HYDIN: variants seen among roughly 807,000 people sequenced by gnomAD.
HYDIN encodes HYDIN axonemal central pair apparatus protein, also known as axonemal central pair apparatus protein HYDIN.
HYDIN carries 132 observed loss-of-function variants against 403.9 expected under a neutral mutation model. The ratio of observed to expected loss-of-function variants is 0.33; its 90% CI spans 0.28 to 0.38. The LOEUF is 0.38. Ranked by LOEUF, HYDIN falls within the 10% of genes least tolerant of loss-of-function variation. The pLI is 1.00. For synonymous variants in HYDIN, 1,202 were observed against 1,891.7 expected (o/e 0.64, Z 9.46); for missense variants, 2,827 against 5,009.5 (o/e 0.56, Z 13.15).
In HYDIN at chr16:70,969,796, C is replaced by G. The variant is rs368114088; in HGVS notation, c.5619+724G>C. Among the ~76,000 whole-genome samples, 149 of 149,230 alleles carry G rather than the reference C, an allele frequency of 1.0e-3. No homozygotes were observed. In the East Asian group the frequency reaches 0.019, roughly 19 times the overall value. On this transcript the variant is annotated intron_variant, in intron 36 of 85. Transcript: ENST00000393567. The stretch of plus-strand genomic sequence containing the variant: ...GTTGAAACAATAATTATAGTGCTAG[C>G]TAATATAAGAAAAATATTTAAGACA...
chr16:71,204,303 A>G (rs1426367852), intron 1 of HYDIN, among the ~76,000 whole-genome samples: 1 of 152,214 alleles, frequency 6.6e-6, no homozygotes, highest in African/African-American at 2.4e-5. Context: ...TTCTTTTAAT[A>G]AAGCCAGCTA....
chr16:71,009,578 G>C (rs1415481886), intron 23 of HYDIN, among the ~76,000 whole-genome samples: 1 of 152,110 alleles, frequency 6.6e-6, no homozygotes, highest in Non-Finnish European at 1.5e-5. Flanking sequence ...TGAATCCCTG[G>C]AACCTGTGAA....
Position 71,184,934 on chromosome 16 carries a change from T to G in HYDIN, c.192A>C (p.Ala64=). ...GTGGTCGGCACATCAAACGTGTTTT[T>G]GCCAGTCTCTGCTCGGTGGTCAGGG... The part of the protein sequence containing the change: ...EMSLTTEQRL[A]KTRLMCRPQI... Residue 64 remains alanine, a synonymous_variant, in exon 3 of 86, where the codon GCA becomes GCC. Coordinates refer to ENST00000393567, the MANE Select transcript of HYDIN (RefSeq NM_001270974.2). 1 of 1,611,666 alleles carries G rather than the reference T, an allele frequency of 6.2e-7. No homozygotes were observed. Among genetic ancestry groups the G allele is most frequent in the Non-Finnish European group, 8.5e-7 (1 of 1,178,248 alleles).
chr16:70,946,736 T>C (rs1180543676), intron 41 of HYDIN, among the ~76,000 whole-genome samples: 3 of 152,146 alleles, frequency 2.0e-5, no homozygotes, highest in Admixed American at 6.5e-5. Flanking sequence ...AGGATTGTGA[T>C]AGAGAGATCT....
chr16:70,856,951 T>C (rs1000829945), intron 72 of HYDIN, among the ~76,000 whole-genome samples: 1 of 151,910 alleles, frequency 6.6e-6, no homozygotes, highest in African/African-American at 2.4e-5. Flanking sequence ...AAATCTAACA[T>C]ATTATTAAAA....
intron 77 of HYDIN, among the ~76,000 whole-genome samples, chr16:70,837,007 G>A (rs963931176): frequency 3.3e-5 from 5 of 152,366 alleles, no homozygotes; most frequent in Admixed American, 6.5e-5. Flanking sequence ...CCTGGTTGCC[G>A]AAATATGCTA....
intron 7 of HYDIN, 129 bp downstream of exon 7, chr16:71,152,530 A>C (rs2085578358): frequency 2.5e-6 from 2 of 803,162 alleles, no homozygotes; most frequent in Non-Finnish European, 3.9e-6. Flanking sequence ...CTCTCCCCCA[A>C]GTCCACAAAA....
intron 83 of HYDIN, among the ~76,000 whole-genome samples, chr16:70,825,322 A>G (rs1394402768): frequency 6.7e-6 from 1 of 150,062 alleles, no homozygotes; most frequent in Non-Finnish European, 1.5e-5. Context: ...AGATGTGAGT[A>G]TTTTTTTCAT....
chr16:71,042,672 C>A (rs2081324012), intron 18 of HYDIN, among the ~76,000 whole-genome samples: 1 of 152,170 alleles, frequency 6.6e-6, no homozygotes, highest in Non-Finnish European at 1.5e-5. Flanking sequence ...TTTCATGTAT[C>A]TATCATGGAC....
intron 10 of HYDIN, among the ~76,000 whole-genome samples, chr16:71,110,244 ATATAT>A (rs1304024359): frequency 2.7e-5 from 4 of 146,034 alleles, no homozygotes; most frequent in Middle Eastern, 3.6e-3. Context: ...GTGTGTATAT[ATATAT>A]TATATTATAT....
intron 1 of HYDIN, among the ~76,000 whole-genome samples, chr16:71,219,168 A>G (rs1042408693): frequency 6.6e-6 from 1 of 152,210 alleles, no homozygotes; most frequent in African/African-American, 2.4e-5. Context: ...AGAATTAGGC[A>G]AAGTTGTTTA....
intron 6 of HYDIN, among the ~76,000 whole-genome samples, chr16:71,154,338 C>T (rs1262739767): frequency 7.0e-6 from 1 of 143,338 alleles, no homozygotes; most frequent in African/African-American, 2.6e-5. Flanking sequence ...TTGATACAGG[C>T]ATGCACTGTG....
intron 23 of HYDIN, among the ~76,000 whole-genome samples, chr16:70,994,032 C>T (rs2079445126): frequency 1.3e-5 from 2 of 151,726 alleles, no homozygotes; most frequent in African/African-American, 4.8e-5. Context: ...GAAAAATCAA[C>T]ACAATGGAAA....
Position 70,802,720 on chromosome 16 carries a change from T to C in HYDIN, c.*4860A>G, listed in dbSNP as rs1340387593. The C allele has an allele frequency of 1.3e-5, 2 of 152,210 alleles. No homozygotes were observed. The highest frequency in any genetic ancestry group is 4.8e-5 in the African/African-American group (2 of 41,436). 9.4% of individuals were successfully genotyped at this position (152,210 alleles called of 1,614,324 possible). ...TTTGCTCTCCTAGTTTTGTGGTAAT[T>C]TGTTATGCAGCCATAGAAAATGAAT... On this transcript the variant is annotated 3_prime_UTR_variant, in exon 86 of 86. Transcript: ENST00000393567.
chr16:71,055,944 G>A (rs1270631534), intron 18 of HYDIN, among the ~76,000 whole-genome samples: 1 of 152,038 alleles, frequency 6.6e-6, no homozygotes, highest in Non-Finnish European at 1.5e-5. Context: ...GGAGGCATCT[G>A]TCCTCCAGCC....
At chr16:71,188,311 T>A (rs2087254934) in intron 1 of HYDIN, among the ~76,000 whole-genome samples, 1 of 152,120 alleles carries the variant, frequency 6.6e-6, no homozygotes, top group Non-Finnish European at 1.5e-5. Flanking sequence ...GAGCCTGCCC[T>A]GCTCTCACAG....
intron 5 of HYDIN, among the ~76,000 whole-genome samples, chr16:71,173,160 C>G (rs1220274735): frequency 6.6e-6 from 1 of 152,240 alleles, no homozygotes; most frequent in African/African-American, 2.4e-5. Context: ...AACACAAGAT[C>G]TTAATGTCTC....
chr16:71,124,379 A>G lies in HYDIN; in HGVS notation c.1227+5261T>C, dbSNP rs1568189925. ...TGCTTTTCACATGATACTGTTCACA[A>G]GATTTTATTTAAATTCAAACCAATC... On this transcript the variant is annotated intron_variant, in intron 9 of 85. Coordinates refer to ENST00000393567, the MANE Select transcript of HYDIN (RefSeq NM_001270974.2). 5.3e-5 allele frequency among the ~76,000 whole-genome samples: 8 copies of G among 152,278 alleles called. No homozygotes were observed. In the South Asian group the frequency reaches 1.7e-3, roughly 31 times the overall value.
At chr16:71,024,728 C>T (rs11075835) in intron 21 of HYDIN, among the ~76,000 whole-genome samples, 6 of 140,090 alleles carry the variant, frequency 4.3e-5, no homozygotes, top group African/African-American at 8.1e-5. Flanking sequence ...CCTGACCCCC[C>T]GCCCTGAGCA....
Sources: gnomAD v4.1 joint callset for allele counts (sites outside exome capture counted in the v4.1 genomes callset) on GRCh38, gnomAD v4.1.1 for gene constraint, MANE v1.5 for transcripts, NCBI Gene and HGNC (gene_info 2026-07-23, HGNC 2026-07-21) for gene names.